MBTD1: variants seen among roughly 807,000 people sequenced by gnomAD.
MBTD1 encodes mbt domain containing 1.
A neutral mutation model predicts 87.8 loss-of-function variants in MBTD1; 24 were observed. The ratio of observed to expected loss-of-function variants is 0.27; its 90% CI spans 0.20 to 0.38. The LOEUF is 0.38. Ranked by LOEUF, MBTD1 falls within the 10% of genes least tolerant of loss-of-function variation. The pLI, the probability that MBTD1 is intolerant of heterozygous loss-of-function variation, is 1.00. For synonymous variants in MBTD1, 237 were observed against 248.6 expected, an observed-to-expected ratio of 0.95 and a Z score of 0.44; for missense variants, 436 against 760.2, an observed-to-expected ratio of 0.57 and a Z score of 5.02.
Position 51,177,481 on chromosome 17 carries a change from T to A in MBTD1, c.*3095A>T, listed in dbSNP as rs1178115517. The A allele has an allele frequency of 6.6e-6, 1 of 152,222 alleles. No homozygotes were observed. Among genetic ancestry groups the A allele is most frequent in the Non-Finnish European group, 1.5e-5 (1 of 68,032 alleles). The allele number at this position is 152,222 out of a possible 1,614,324, so 9.4% of individuals were successfully genotyped here. On this transcript the variant is annotated 3_prime_UTR_variant, in exon 17 of 17. Coordinates refer to ENST00000586178, the MANE Select transcript of MBTD1 (RefSeq NM_017643.3). Reference sequence around the variant, plus strand: ...GGGCAAATTTAGTGAATTATTTTCATCTTGTACACAAAGTTATAATTTTAA... The same window carrying A: ...GGGCAAATTTAGTGAATTATTTTCAACTTGTACACAAAGTTATAATTTTAA...
chr17:51,207,807 A>G (rs995630144), intron 6 of MBTD1, among the ~76,000 whole-genome samples: 1 of 152,220 alleles, frequency 6.6e-6, no homozygotes, highest in Non-Finnish European at 1.5e-5. Flanking sequence ...AAGGCAATTC[A>G]CAATTACTTG....
chr17:51,240,099 T>C (rs1474926666), intron 2 of MBTD1, among the ~76,000 whole-genome samples: 3 of 152,202 alleles, frequency 2.0e-5, no homozygotes, highest in Non-Finnish European at 4.4e-5. Flanking sequence ...TTTACCCTTT[T>C]TCTATAAATC....
At position 51,259,826 on chromosome 17, in the gene MBTD1, G is replaced by A; in HGVS notation, c.-113+9C>T. On this transcript the variant is annotated intron_variant, in intron 1 of 16. Coordinates refer to ENST00000586178, the MANE Select transcript of MBTD1 (RefSeq NM_017643.3). Reference sequence around the variant, plus strand: ...GGCACACAAAGCGGCTGCCGCGCTCGGCTCTCACCAGATCCTTTGTGTTTT... The same window carrying A: ...GGCACACAAAGCGGCTGCCGCGCTCAGCTCTCACCAGATCCTTTGTGTTTT... 1.6e-6 allele frequency: 2 copies of A among 1,232,262 alleles called. No homozygotes were observed. The highest frequency in any genetic ancestry group is 2.0e-6 in the Non-Finnish European group (2 of 988,176). 76.3% of individuals were successfully genotyped at this position (1,232,262 alleles called of 1,614,324 possible).
intron 16 of MBTD1, among the ~76,000 whole-genome samples, chr17:51,189,038 G>A (rs1045982021): frequency 2.0e-5 from 3 of 152,124 alleles, no homozygotes; most frequent in African/African-American, 7.2e-5. Context: ...GATTATAGGC[G>A]TGAGCCACCG....
intron 6 of MBTD1, chr17:51,209,254 G>A: frequency 5.0e-6 from 2 of 403,008 alleles, no homozygotes; most frequent in South Asian, 3.7e-5. Flanking sequence ...ACCTCTGAAA[G>A]TCTGGATTGG....
Position 51,179,487 on chromosome 17 carries a change from TATATATA to T in MBTD1, c.*1082_*1088del, listed in dbSNP as rs2050206449. On this transcript the variant is annotated 3_prime_UTR_variant, in exon 17 of 17. Coordinates refer to ENST00000586178, the MANE Select transcript of MBTD1 (RefSeq NM_017643.3). ...CTGAATACAATTAAAGACAATTTTATATATATATATATATATATATATATATATATAT... is the reference window on the plus strand; with the variant it reads ...CTGAATACAATTAAAGACAATTTTATTATATATATATATATATATATATAT... 3 of 15,562 alleles carry T rather than the reference TATATATA, an allele frequency of 1.9e-4. No homozygotes were observed. The highest frequency in any genetic ancestry group is 2.3e-3 in the East Asian group (1 of 428). The allele number at this position is 15,562 out of a possible 1,614,324, so 1.0% of individuals were successfully genotyped here. A position where few individuals can be genotyped will look rare whatever the true frequency, so the allele number is the denominator to read the frequency against.
In MBTD1 at chr17:51,201,714, A is replaced by G. The variant is rs773224170; in HGVS notation, c.1120-18T>C. 2.8e-6 allele frequency: 4 copies of G among 1,409,432 alleles called. No homozygotes were observed. In the East Asian group the frequency reaches 6.8e-5, roughly 24 times the overall value. 87.3% of individuals were successfully genotyped at this position (1,409,432 alleles called of 1,614,324 possible). ...TCTTTTACCTAAAGAATTATATGAA[A>G]GCACATCTACTGTTACAAATGTTGT... On this transcript the variant is annotated intron_variant, in intron 11 of 16. Coordinates refer to ENST00000586178, the MANE Select transcript of MBTD1 (RefSeq NM_017643.3).
At position 51,223,087 on chromosome 17, in the gene MBTD1, A is replaced by T. The variant is rs144685244; in HGVS notation, c.154+1921T>A. ...CCAAAGTGCTGGGATTACAGGCATGAGCCACCGCACCTGGCCACGCTATTC... is the reference window on the plus strand; with the variant it reads ...CCAAAGTGCTGGGATTACAGGCATGTGCCACCGCACCTGGCCACGCTATTC... On this transcript the variant is annotated intron_variant, in intron 3 of 16. Transcript: ENST00000586178. Among the ~76,000 whole-genome samples the T allele has an allele frequency of 8.6e-3, 1,306 of 151,650 alleles. 24 individuals are homozygous for T. The highest frequency in any genetic ancestry group is 0.029 in the African/African-American group (1,219 of 41,406).
At chr17:51,237,176 A>G (rs1160733833) in intron 2 of MBTD1, among the ~76,000 whole-genome samples, 2 of 151,748 alleles carry the variant, frequency 1.3e-5, no homozygotes, top group Non-Finnish European at 1.5e-5. Context: ...GGTGCCTGTA[A>G]TCTCAGCTAC....
chr17:51,231,791 T>C (rs1041405934), intron 2 of MBTD1, among the ~76,000 whole-genome samples: 1 of 151,126 alleles, frequency 6.6e-6, no homozygotes, highest in South Asian at 2.1e-4. Context: ...ATTTAGGCAA[T>C]GTGGTTTTCT....
chr17:51,219,048 A>C lies in MBTD1; in HGVS notation c.289-4T>G. The C allele has an allele frequency of 6.8e-7, 1 of 1,480,956 alleles. No individual in the cohort carries two copies. The allele number at this position is 1,480,956 out of a possible 1,614,324, so 91.7% of individuals were successfully genotyped here. On this transcript the variant is annotated splice_region_variant and splice_polypyrimidine_tract_variant and intron_variant, in intron 4 of 16. Transcript: ENST00000586178. ...CTTTCTTTGTTGGAGGCTTACCCTA[A>C]AACAAGAAAAGTTAAGTAAATAGGA...
chr17:51,232,845 C>G lies in MBTD1; in HGVS notation c.-48-7636G>C, dbSNP rs537268452. 3.3e-5 allele frequency among the ~76,000 whole-genome samples: 5 copies of G among 151,696 alleles called. No homozygotes were observed. The East Asian group carries it at 9.7e-4, about 29-fold the overall frequency. On this transcript the variant is annotated intron_variant, in intron 2 of 16. Coordinates refer to ENST00000586178, the MANE Select transcript of MBTD1 (RefSeq NM_017643.3). ...TTGAGGCCAGGAGTTCGAGACCAGCCTGAGCAACAAAGTGTGACACTGCCT... is the reference window on the plus strand; with the variant it reads ...TTGAGGCCAGGAGTTCGAGACCAGCGTGAGCAACAAAGTGTGACACTGCCT...
chr17:51,212,386 A>G (rs1287845815), intron 6 of MBTD1, among the ~76,000 whole-genome samples: 2 of 151,778 alleles, frequency 1.3e-5, no homozygotes, highest in African/African-American at 2.4e-5. Context: ...AAAGAAAAGA[A>G]AAAGTATGAT....
intron 5 of MBTD1, 97 bp from the exon 6 acceptor site, chr17:51,217,513 T>C (rs1746478692): frequency 3.5e-6 from 2 of 575,074 alleles, no homozygotes; most frequent in African/African-American, 3.9e-5. Flanking sequence ...ATAAAATTAA[T>C]TTATCCCATT....
In MBTD1 at chr17:51,229,818, G is replaced by A. The variant is rs529423302; in HGVS notation, c.-48-4609C>T. Among the ~76,000 whole-genome samples the A allele has an allele frequency of 4.9e-4, 74 of 151,774 alleles. 1 individual carries two copies. The South Asian group carries it at 0.015, about 31-fold the overall frequency. On this transcript the variant is annotated intron_variant, in intron 2 of 16. Coordinates refer to ENST00000586178, the MANE Select transcript of MBTD1 (RefSeq NM_017643.3). ...TGGGATTACAGGCGCCCACCACCAC[G>A]CCCGGCTAATTTTTTGTATTTTTAG...
intron 12 of MBTD1, among the ~76,000 whole-genome samples, chr17:51,200,517 G>A (rs540932564): frequency 2.5e-4 from 32 of 128,240 alleles, no homozygotes; most frequent in African/African-American, 8.3e-4. Context: ...CTATGATCAC[G>A]CCATTGCACT....
rs1021831047 is a variant in MBTD1, at chr17:51,225,665, T to C, written c.-48-456A>G. Among the ~76,000 whole-genome samples, 4 of 152,232 alleles carry C rather than the reference T, an allele frequency of 2.6e-5. No individual in the cohort carries two copies. In the East Asian group the frequency reaches 7.8e-4, roughly 30 times the overall value. ...AGCCACCTCCCTGCCTCAAGGGATG[T>C]CCTGCCTCTGCATCCCAAAGCACTG... On this transcript the variant is annotated intron_variant, in intron 2 of 16. Transcript: ENST00000586178.
At chr17:51,183,967 TG>T (rs2050427396) in intron 16 of MBTD1, 1 of 152,226 alleles carries the variant, frequency 6.6e-6, no homozygotes. Flanking sequence ...TTCAAACGGA[TG>T]TTTTTTAAAA....
chr17:51,204,748 G>A lies in MBTD1; in HGVS notation c.605-823C>T, dbSNP rs918455303. ...ACTCTCAACCTCAGGTGATCTGCCCGCCTTGGCCTCCCAAAGGGCTGGGAT... is the reference window on the plus strand; with the variant it reads ...ACTCTCAACCTCAGGTGATCTGCCCACCTTGGCCTCCCAAAGGGCTGGGAT... On this transcript the variant is annotated intron_variant, in intron 7 of 16. Coordinates refer to ENST00000586178, the MANE Select transcript of MBTD1 (RefSeq NM_017643.3). Among the ~76,000 whole-genome samples the A allele has an allele frequency of 2.3e-4, 35 of 152,040 alleles. 2 individuals carry two copies. The highest frequency in any genetic ancestry group is 3.2e-3 in the Middle Eastern group (1 of 314).
Sources: allele counts gnomAD v4.1 joint callset (sites outside exome capture counted in the v4.1 genomes callset), GRCh38; gene constraint gnomAD v4.1.1; transcripts MANE v1.5; gene names NCBI Gene and HGNC (gene_info 2026-07-23, HGNC 2026-07-21).